The following PHC3 variants were observed in gnomAD, a reference collection of about 807,000 sequenced individuals.
PHC3 encodes the protein polyhomeotic-like protein 3.
In PHC3, 13 loss-of-function variants were observed where a neutral mutation model predicts 107.4. The observed-to-expected ratio is 0.12, with a 90% CI of 0.08 to 0.19. The LOEUF is 0.19. PHC3 is among the 10% of genes least tolerant of loss of function. The pLI, the probability that PHC3 is intolerant of heterozygous loss-of-function variation, is 1.00. For missense variants in PHC3, 992 were observed against 1,210.9 expected, an observed-to-expected ratio of 0.82 and a Z score of 2.68; for synonymous variants, 456 against 427.4, an observed-to-expected ratio of 1.07 and a Z score of -0.83.
At chr3:170,109,879 C>T (rs1717286630) in intron 11 of PHC3, among the ~76,000 whole-genome samples, 1 of 152,028 alleles carries the variant, frequency 6.6e-6, no homozygotes, top group African/African-American at 2.4e-5. Flanking sequence ...AATAAGTGAC[C>T]TCACCATTTT....
intron 4 of PHC3, among the ~76,000 whole-genome samples, chr3:170,153,512 C>G (rs1726357180): frequency 6.6e-6 from 1 of 152,026 alleles, no homozygotes; most frequent in African/African-American, 2.4e-5. Context: ...GCCTGTAATC[C>G]CAGCACTTTG....
chr3:170,145,728 A>C (rs1204809237), intron 5 of PHC3, among the ~76,000 whole-genome samples: 4 of 152,246 alleles, frequency 2.6e-5, no homozygotes, highest in Non-Finnish European at 4.4e-5. Flanking sequence ...GAAACAGCTC[A>C]TGATTCTGAT....
chr3:170,181,275 G>A (rs2108809969), intron 1 of PHC3, among the ~76,000 whole-genome samples: 1 of 152,294 alleles, frequency 6.6e-6, no homozygotes, highest in Middle Eastern at 3.4e-3. Flanking sequence ...AGGAGAAGAA[G>A]GCGAAGGAGG....
At chr3:170,131,819 A>T (rs1253290815) in intron 7 of PHC3, among the ~76,000 whole-genome samples, 1 of 152,232 alleles carries the variant, frequency 6.6e-6, no homozygotes, top group Non-Finnish European at 1.5e-5. Context: ...CCTGGGCAAC[A>T]GAGGGAGACG....
At chr3:170,155,451 T>A (rs1321222299) in intron 4 of PHC3, among the ~76,000 whole-genome samples, 1 of 152,242 alleles carries the variant, frequency 6.6e-6, no homozygotes, top group Admixed American at 6.5e-5. Flanking sequence ...CCAGGCATAG[T>A]GGCTCATGCC....
At chr3:170,117,523 G>A (rs1413733854) in intron 9 of PHC3, 47 bp from the exon 10 acceptor site, 1 of 1,558,050 alleles carries the variant, frequency 6.4e-7, no homozygotes, top group South Asian at 1.2e-5. Context: ...TTAGCATTTT[G>A]CCCAAGCAAA....
In PHC3 at chr3:170,155,682, C is replaced by A. The variant is rs140833590; in HGVS notation, c.415-6438G>T. Reference sequence around the variant, plus strand: ...GTTGCAGTGAGCCGAGATTGCAGCACTGCACTCCAACCTGGGTGACAGAGC... The same window carrying A: ...GTTGCAGTGAGCCGAGATTGCAGCAATGCACTCCAACCTGGGTGACAGAGC... On this transcript the variant is annotated intron_variant, in intron 4 of 14. Transcript: ENST00000495893. 1.4e-4 allele frequency among the ~76,000 whole-genome samples: 22 copies of A among 152,174 alleles called. No individual in the cohort carries two copies. In the East Asian group the frequency reaches 3.5e-3, roughly 24 times the overall value.
At chr3:170,103,583 C>T (rs1459977696) in intron 12 of PHC3, among the ~76,000 whole-genome samples, 3 of 152,196 alleles carry the variant, frequency 2.0e-5, no homozygotes, top group Non-Finnish European at 4.4e-5. Flanking sequence ...CTTTATAAGA[C>T]ATGATGACAG....
At chr3:170,123,637 C>G (rs1360479857) in intron 8 of PHC3, among the ~76,000 whole-genome samples, 1 of 151,506 alleles carries the variant, frequency 6.6e-6, no homozygotes, top group Non-Finnish European at 1.5e-5. Context: ...TAAAAAAATA[C>G]AAAAAATTAG....
chr3:170,115,343 C>A (rs947203912), intron 10 of PHC3, among the ~76,000 whole-genome samples: 2 of 151,920 alleles, frequency 1.3e-5, no homozygotes, highest in African/African-American at 4.8e-5. Flanking sequence ...GTACCATAAT[C>A]TTGATTATAT....
intron 11 of PHC3, among the ~76,000 whole-genome samples, chr3:170,109,924 T>C (rs1316389336): frequency 1.3e-5 from 2 of 152,022 alleles, no homozygotes; most frequent in Non-Finnish European, 2.9e-5. Context: ...CTGAAGTACA[T>C]AGTAACAGAA....
intron 4 of PHC3, among the ~76,000 whole-genome samples, chr3:170,165,165 T>TC (rs200584193): frequency 0.012 from 1,856 of 152,204 alleles, 40 homozygotes; most frequent in African/African-American, 0.042. Context: ...AAGAGGAACA[T>TC]CCTTCAAGTG....
intron 11 of PHC3, among the ~76,000 whole-genome samples, chr3:170,109,893 C>T (rs1193278338): frequency 6.6e-6 from 1 of 152,134 alleles, no homozygotes; most frequent in Non-Finnish European, 1.5e-5. Flanking sequence ...CCATTTTACA[C>T]TATAGTACTT....
At chr3:170,170,143 C>A (rs1379894248) in intron 4 of PHC3, 2 of 151,884 alleles carry the variant, frequency 1.3e-5, no homozygotes, top group African/African-American at 2.4e-5. Context: ...AAAGACCATA[C>A]CCTTAGCTGA....
chr3:170,176,804 C>A, intron 2 of PHC3: 1 of 422,212 alleles, frequency 2.4e-6, no homozygotes, highest in Non-Finnish European at 4.7e-6. Context: ...CTAGATACTT[C>A]ATTAATCTCA....
rs1338774037 is a variant in PHC3 at position 170,091,014 on chromosome 3, A to G, written c.*6216T>C. ...TAGGCAAGACTAAAAAATTCTTTCT[A>G]AAACAGGTTGATGTTTAACTTCACT... On this transcript the variant is annotated 3_prime_UTR_variant, in exon 15 of 15. Coordinates refer to ENST00000495893, the MANE Select transcript of PHC3 (RefSeq NM_024947.4). 6.6e-6 allele frequency: 1 copy of G among 152,206 alleles called. No individual in the cohort carries two copies. Among genetic ancestry groups the G allele is most frequent in the African/African-American group, 2.4e-5 (1 of 41,438 alleles). 9.4% of individuals were successfully genotyped at this position (152,206 alleles called of 1,614,324 possible).
At chr3:170,106,545 C>A (rs2108294951) in intron 12 of PHC3, among the ~76,000 whole-genome samples, 1 of 152,194 alleles carries the variant, frequency 6.6e-6, no homozygotes, top group East Asian at 1.9e-4. Context: ...TAAATATATT[C>A]TTACCATCAG....
chr3:170,111,263 AAGGAAGGAAGGAAGG>A (rs1560033055), intron 11 of PHC3, among the ~76,000 whole-genome samples: 12 of 25,418 alleles, frequency 4.7e-4, no homozygotes, highest in South Asian at 2.6e-3. Context: ...AAACAAGAAG[AAGGAAGGAAGGAAGG>A]AAGGAAGGAA....
intron 7 of PHC3, among the ~76,000 whole-genome samples, chr3:170,133,472 A>G (rs1056273624): frequency 6.6e-6 from 1 of 152,112 alleles, no homozygotes; most frequent in African/African-American, 2.4e-5. Flanking sequence ...CCACCGTGCC[A>G]GGCCAAGATT....
Sources: gnomAD v4.1 joint callset for allele counts (sites outside exome capture counted in the v4.1 genomes callset) on GRCh38, gnomAD v4.1.1 for gene constraint, MANE v1.5 for transcripts, NCBI Gene and HGNC (gene_info 2026-07-23, HGNC 2026-07-21) for gene names.